The following KCNH1 variants were observed in gnomAD, a reference collection of about 807,000 sequenced individuals.
The protein encoded by KCNH1 is potassium voltage-gated channel subfamily H member 1, also known as voltage-gated delayed rectifier potassium channel KCNH1.
Under a neutral mutation model 69.2 loss-of-function variants are expected in KCNH1, and 27 were observed. The observed-to-expected ratio is 0.39, with a 90% CI of 0.29 to 0.54. KCNH1 has a LOEUF of 0.54. Ranked by LOEUF, KCNH1 falls within the 20% of genes least tolerant of loss-of-function variation. The pLI is 0.68. For synonymous variants in KCNH1, 456 were observed against 487.7 expected (o/e 0.93, Z 0.86); for missense variants, 798 against 1,261.6 (o/e 0.63, Z 5.57).
At chr1:210,983,369 G>T (rs1688755033) in intron 6 of KCNH1, among the ~76,000 whole-genome samples, 1 of 152,184 alleles carries the variant, frequency 6.6e-6, no homozygotes, top group Admixed American at 6.5e-5. Context: ...GAATGGTATT[G>T]CCTAGGTTTT....
intron 7 of KCNH1, among the ~76,000 whole-genome samples, chr1:210,854,858 T>A (rs1685798557): frequency 1.3e-5 from 2 of 152,122 alleles, no homozygotes; most frequent in Non-Finnish European, 2.9e-5. Context: ...ACCATGGAGA[T>A]CTCATATATG....
chr1:210,932,246 T>C (rs773144708), intron 6 of KCNH1, among the ~76,000 whole-genome samples: 2 of 152,152 alleles, frequency 1.3e-5, no homozygotes, highest in African/African-American at 2.4e-5. Flanking sequence ...AAGTCACATA[T>C]GAGGGAACTG....
intron 5 of KCNH1, among the ~76,000 whole-genome samples, chr1:211,029,020 A>ATC (rs1689733592): frequency 6.6e-6 from 1 of 152,006 alleles, no homozygotes; most frequent in Non-Finnish European, 1.5e-5. Context: ...AAATAGTAGC[A>ATC]AACAGAATTT....
chr1:210,906,330 G>A (rs780475506), intron 7 of KCNH1, among the ~76,000 whole-genome samples: 3 of 152,058 alleles, frequency 2.0e-5, no homozygotes, highest in Non-Finnish European at 1.5e-5. Context: ...CAGACACAGT[G>A]CCGGGGAGGG....
At chr1:210,875,055 G>A (rs935036295) in intron 7 of KCNH1, among the ~76,000 whole-genome samples, 5 of 152,128 alleles carry the variant, frequency 3.3e-5, no homozygotes, top group Non-Finnish European at 7.4e-5. Context: ...GGCAAAAGAA[G>A]AGAAATGGAT....
In KCNH1 at chr1:210,800,578, A is replaced by T. The variant is rs545450553; in HGVS notation, c.1663-2818T>A. ...GGAACCTGGAGAGGAGAAATTGCAG[A>T]CTGTCACAGCCATCAGTCATTTCCA... On this transcript the variant is annotated intron_variant, in intron 8 of 10. Transcript: ENST00000271751. Among the ~76,000 whole-genome samples, 46 of 152,288 alleles carry T rather than the reference A, an allele frequency of 3.0e-4. No homozygotes were observed. In the South Asian group the frequency reaches 8.9e-3, roughly 30 times the overall value.
intron 10 of KCNH1, among the ~76,000 whole-genome samples, chr1:210,718,257 ATAT>A (rs1682313100): frequency 2.5e-5 from 1 of 40,564 alleles, no homozygotes; most frequent in Non-Finnish European, 4.7e-5. Flanking sequence ...TCTTCTATAA[ATAT>A]TATAAATATA....
At chr1:210,723,856 G>A (rs2149027932) in intron 10 of KCNH1, among the ~76,000 whole-genome samples, 1 of 152,236 alleles carries the variant, frequency 6.6e-6, no homozygotes, top group East Asian at 1.9e-4. Flanking sequence ...TGGCAAACAT[G>A]CTGTCCTCAC....
intron 7 of KCNH1, among the ~76,000 whole-genome samples, chr1:210,844,227 A>T (rs907785190): frequency 1.3e-5 from 2 of 152,214 alleles, no homozygotes; most frequent in Non-Finnish European, 2.9e-5. Flanking sequence ...CTGGCATTCA[A>T]ATAGGTTTCT....
intron 7 of KCNH1, among the ~76,000 whole-genome samples, chr1:210,842,165 C>A (rs1354097720): frequency 6.6e-6 from 1 of 152,120 alleles, no homozygotes; most frequent in Non-Finnish European, 1.5e-5. Flanking sequence ...AAAATAGCAC[C>A]AGGGCACAAG....
chr1:210,748,061 C>A (rs1357256542), intron 10 of KCNH1, among the ~76,000 whole-genome samples: 2 of 152,178 alleles, frequency 1.3e-5, no homozygotes, highest in Non-Finnish European at 2.9e-5. Context: ...TGCTCAGGGG[C>A]AGAGCTCTGG....
chr1:210,898,327 T>A (rs1686915851), intron 7 of KCNH1, among the ~76,000 whole-genome samples: 1 of 152,156 alleles, frequency 6.6e-6, no homozygotes, highest in South Asian at 2.1e-4. Context: ...ATTTAATTAT[T>A]CTACTCGAAA....
At chr1:210,790,018 TCCTCAGCCTTCTGAGG>T (rs778059429) in intron 9 of KCNH1, among the ~76,000 whole-genome samples, 7 of 152,240 alleles carry the variant, frequency 4.6e-5, no homozygotes, top group South Asian at 2.1e-4. Context: ...GCTCAAGTGA[TCCTCAGCCTTCTGAGG>T]CCTCAGCCTC....
intron 10 of KCNH1, among the ~76,000 whole-genome samples, chr1:210,714,880 C>T (rs1682184943): frequency 6.6e-6 from 1 of 152,136 alleles, no homozygotes; most frequent in Admixed American, 6.5e-5. Flanking sequence ...TGATGTATAA[C>T]CTCATTTTCC....
At chr1:210,757,430 T>C (rs1366977345) in intron 10 of KCNH1, among the ~76,000 whole-genome samples, 2 of 152,206 alleles carry the variant, frequency 1.3e-5, no homozygotes, top group Non-Finnish European at 1.5e-5. Flanking sequence ...GTTTCCTAAC[T>C]ATTCCTATGG....
At chr1:210,988,065 T>C (rs1233644336) in intron 6 of KCNH1, among the ~76,000 whole-genome samples, 2 of 152,138 alleles carry the variant, frequency 1.3e-5, no homozygotes, top group African/African-American at 4.8e-5. Context: ...ATTCTGTGGG[T>C]GTAGGACCCT....
chr1:211,003,657 A>C (rs1689228719), intron 6 of KCNH1, among the ~76,000 whole-genome samples: 1 of 152,214 alleles, frequency 6.6e-6, no homozygotes, highest in South Asian at 2.1e-4. Flanking sequence ...AAGGAGGAAG[A>C]GGAGGAGAAA....
intron 7 of KCNH1, among the ~76,000 whole-genome samples, chr1:210,866,213 C>G (rs1041223877): frequency 6.6e-6 from 1 of 152,014 alleles, no homozygotes; most frequent in Non-Finnish European, 1.5e-5. Flanking sequence ...TTAGGCAAAG[C>G]CTTTTTAATT....
At chr1:210,882,443 C>A (rs547285331) in intron 7 of KCNH1, among the ~76,000 whole-genome samples, 10 of 152,088 alleles carry the variant, frequency 6.6e-5, no homozygotes, top group Non-Finnish European at 1.5e-4. Flanking sequence ...CTTATCCCAC[C>A]GCCATTGTAT....
Sources: allele counts gnomAD v4.1 joint callset (sites outside exome capture counted in the v4.1 genomes callset), GRCh38; gene constraint gnomAD v4.1.1; transcripts MANE v1.5; gene names NCBI Gene and HGNC (gene_info 2026-07-23, HGNC 2026-07-21).